The following CALCR variants were observed in gnomAD, a reference collection of about 807,000 sequenced individuals.
CALCR encodes calcitonin receptor.
A neutral mutation model predicts 59.5 loss-of-function variants in CALCR; 47 were observed. That is an observed-to-expected ratio of 0.79 (90% confidence interval 0.63 to 1.01). CALCR has a LOEUF of 1.01. Among genes scored for constraint, CALCR ranks in the 50% least tolerant of loss-of-function variants. The pLI is 0.00. For synonymous variants in CALCR, 213 were observed against 211.3 expected (o/e 1.01, Z -0.07); for missense variants, 566 against 597.1 (o/e 0.95, Z 0.54).
At chr7:93,442,836 C>CT (rs779662357) in intron 9 of CALCR, among the ~76,000 whole-genome samples, 22 of 151,894 alleles carry the variant, frequency 1.4e-4, no homozygotes, top group Middle Eastern at 3.4e-3. Flanking sequence ...AAGGCTGAAA[C>CT]TTTTTTTTTG....
At chr7:93,558,631 C>T (rs1483207423) in intron 2 of CALCR, among the ~76,000 whole-genome samples, 1 of 151,884 alleles carries the variant, frequency 6.6e-6, no homozygotes, top group Non-Finnish European at 1.5e-5. Flanking sequence ...AATAAAAAAA[C>T]CTTTTTTTTC....
At chr7:93,498,480 G>A (rs984783098) in intron 2 of CALCR, among the ~76,000 whole-genome samples, 2 of 151,612 alleles carry the variant, frequency 1.3e-5, no homozygotes, top group Non-Finnish European at 3.0e-5. Flanking sequence ...GTAACCTCAC[G>A]TATACTTTAT....
intron 7 of CALCR, among the ~76,000 whole-genome samples, chr7:93,466,549 T>C (rs1380919108): frequency 6.6e-6 from 1 of 151,924 alleles, no homozygotes; most frequent in Non-Finnish European, 1.5e-5. Flanking sequence ...TCAGCATATG[T>C]GCTTTTCATA....
At chr7:93,536,930 C>T (rs977973086) in intron 2 of CALCR, among the ~76,000 whole-genome samples, 2 of 151,686 alleles carry the variant, frequency 1.3e-5, no homozygotes, top group Admixed American at 1.3e-4. Context: ...AGAAAATACA[C>T]ACAAAATATT....
chr7:93,571,334 G>C (rs1482799149), intron 2 of CALCR, among the ~76,000 whole-genome samples: 1 of 152,000 alleles, frequency 6.6e-6, no homozygotes. Flanking sequence ...ATTTGTCTAT[G>C]TATCTTCAGG....
intron 2 of CALCR, among the ~76,000 whole-genome samples, chr7:93,503,806 T>C (rs930640014): frequency 4.6e-5 from 7 of 152,116 alleles, no homozygotes; most frequent in Admixed American, 1.3e-4. Flanking sequence ...TTTAAAAAGT[T>C]TGACAATAAT....
rs1437377929 is a variant in CALCR, at chr7:93,424,983, CAT to C, written c.*1371_*1372del. ...TCTGAAAGGCAGTGGCAAAATATGA[CAT>C]AGATGAGACTGGAGATTTGGAGGGT... On this transcript the variant is annotated 3_prime_UTR_variant, in exon 14 of 14. Transcript: ENST00000426151. The C allele has an allele frequency of 1.3e-5, 2 of 152,554 alleles. No homozygotes were observed. The highest frequency in any genetic ancestry group is 2.9e-5 in the Non-Finnish European group (2 of 68,006). The allele number at this position is 152,554 out of a possible 1,614,324, so 9.5% of individuals were successfully genotyped here.
At chr7:93,517,188 C>G (rs1325957955) in intron 2 of CALCR, among the ~76,000 whole-genome samples, 2 of 150,680 alleles carry the variant, frequency 1.3e-5, no homozygotes, top group East Asian at 3.9e-4. Context: ...TACCCAATAC[C>G]TATCACGCTG....
At chr7:93,513,258 G>C (rs898841480) in intron 2 of CALCR, among the ~76,000 whole-genome samples, 2 of 151,916 alleles carry the variant, frequency 1.3e-5, no homozygotes, top group African/African-American at 4.8e-5. Flanking sequence ...GTTCCACATA[G>C]AATGTGAAAA....
At chr7:93,568,506 A>ACTTT (rs1789917816) in intron 2 of CALCR, among the ~76,000 whole-genome samples, 1 of 55,112 alleles carries the variant, frequency 1.8e-5, no homozygotes, top group Non-Finnish European at 3.6e-5. Context: ...CCATAAAATT[A>ACTTT]CTTTCTCTCT....
intron 2 of CALCR, among the ~76,000 whole-genome samples, chr7:93,555,439 G>A (rs1789574733): frequency 6.6e-6 from 1 of 152,060 alleles, no homozygotes; most frequent in Admixed American, 6.6e-5. Flanking sequence ...GGGGTCATCT[G>A]GAATAGACAG....
At chr7:93,554,771 A>G (rs1187396283) in intron 2 of CALCR, among the ~76,000 whole-genome samples, 16 of 53,472 alleles carry the variant, frequency 3.0e-4, no homozygotes, top group Non-Finnish European at 5.3e-4. Context: ...CAGGCCATGT[A>G]TATATATATA....
chr7:93,432,031 A>T (rs1480413579), intron 13 of CALCR, among the ~76,000 whole-genome samples: 4 of 152,168 alleles, frequency 2.6e-5, no homozygotes, highest in African/African-American at 9.7e-5. Context: ...GCATGCTCTC[A>T]TGGTCCTCTC....
chr7:93,457,217 G>T (rs1329148884), intron 8 of CALCR, among the ~76,000 whole-genome samples: 1 of 152,146 alleles, frequency 6.6e-6, no homozygotes, highest in Non-Finnish European at 1.5e-5. Flanking sequence ...GGTGAGAGTT[G>T]ACAGCAACCT....
chr7:93,522,323 C>T (rs200398735), intron 2 of CALCR, among the ~76,000 whole-genome samples: 1 of 152,106 alleles, frequency 6.6e-6, no homozygotes, highest in East Asian at 1.9e-4. Flanking sequence ...GATTTATCAT[C>T]ATTCATTGAA....
intron 2 of CALCR, among the ~76,000 whole-genome samples, chr7:93,509,275 C>G (rs1801495121): frequency 6.6e-6 from 1 of 152,138 alleles, no homozygotes; most frequent in Non-Finnish European, 1.5e-5. Flanking sequence ...CCTTTCACTA[C>G]TGAAAATCTA....
rs147053296 is a variant in CALCR, at chr7:93,545,216, C to T, written c.-27+29073G>A. Among the ~76,000 whole-genome samples, 444 of 152,084 alleles carry T rather than the reference C, an allele frequency of 2.9e-3. 2 individuals are homozygous for T. Among genetic ancestry groups the T allele is most frequent in the African/African-American group, 9.7e-3 (401 of 41,472 alleles). ...ATTATCAGGAATAAAGGAACTTAGTCGGCTCCTGAATAAAATATGACTTTC... is the reference window on the plus strand; with the variant it reads ...ATTATCAGGAATAAAGGAACTTAGTTGGCTCCTGAATAAAATATGACTTTC... On this transcript the variant is annotated intron_variant, in intron 2 of 13. Coordinates refer to ENST00000426151, the MANE Select transcript of CALCR (RefSeq NM_001742.4).
intron 13 of CALCR, among the ~76,000 whole-genome samples, chr7:93,433,272 A>G (rs1345551780): frequency 1.3e-5 from 2 of 152,200 alleles, no homozygotes; most frequent in African/African-American, 4.8e-5. Context: ...TAGGAAAGTA[A>G]TATATTGATG....
intron 7 of CALCR, among the ~76,000 whole-genome samples, chr7:93,467,025 A>C (rs1800454315): frequency 7.2e-6 from 1 of 138,730 alleles, no homozygotes; most frequent in Non-Finnish European, 1.6e-5. Context: ...ATGATTACAA[A>C]TTTGGGGAAT....
Sources: allele counts gnomAD v4.1 joint callset (sites outside exome capture counted in the v4.1 genomes callset), GRCh38; gene constraint gnomAD v4.1.1; transcripts MANE v1.5; gene names NCBI Gene and HGNC (gene_info 2026-07-23, HGNC 2026-07-21).